PRKN: variants seen among roughly 807,000 people sequenced by gnomAD.
PRKN encodes parkin RBR E3 ubiquitin protein ligase, also known as E3 ubiquitin-protein ligase parkin.
Under a neutral mutation model 59.5 loss-of-function variants are expected in PRKN, and 56 were observed. That is an observed-to-expected ratio of 0.94 (90% CI 0.76 to 1.18). The LOEUF (loss-of-function observed/expected upper bound fraction) is 1.18. Among genes scored for constraint, PRKN ranks in the 50% most tolerant of loss-of-function variants. PRKN has a pLI of 0.00. For synonymous variants in PRKN, 250 were observed against 222.1 expected (o/e 1.13, Z -1.12); for missense variants, 657 against 596.4 (o/e 1.10, Z -1.06).
chr6:161,610,492 TACACAC>T (rs370179659), intron 7 of PRKN, among the ~76,000 whole-genome samples: 2,330 of 139,844 alleles, frequency 0.017, 64 homozygotes, highest in East Asian at 0.047. Flanking sequence ...ATATTAATAA[TACACAC>T]ACACACACAC....
chr6:161,537,708 C>A (rs1779476245), intron 9 of PRKN, among the ~76,000 whole-genome samples: 1 of 152,194 alleles, frequency 6.6e-6, no homozygotes, highest in Non-Finnish European at 1.5e-5. Context: ...GCCTTAGCCT[C>A]CCAAAGTGCT....
At chr6:161,647,051 C>G (rs948858715) in intron 7 of PRKN, among the ~76,000 whole-genome samples, 1 of 152,170 alleles carries the variant, frequency 6.6e-6, no homozygotes, top group Non-Finnish European at 1.5e-5. Flanking sequence ...ATATTTTTCT[C>G]TCTGAAGGAA....
chr6:162,390,254 A>C (rs866096465), intron 2 of PRKN, among the ~76,000 whole-genome samples: 1 of 151,790 alleles, frequency 6.6e-6, no homozygotes, highest in Non-Finnish European at 1.5e-5. Flanking sequence ...AAATAGTGAA[A>C]AATAATAATA....
intron 7 of PRKN, among the ~76,000 whole-genome samples, chr6:161,670,854 T>C (rs554845303): frequency 3.9e-5 from 6 of 152,146 alleles, no homozygotes; most frequent in South Asian, 4.2e-4. Context: ...ACCAGTCACA[T>C]TGAATTTTGA....
At chr6:161,756,274 T>G (rs921442204) in intron 7 of PRKN, among the ~76,000 whole-genome samples, 3 of 151,792 alleles carry the variant, frequency 2.0e-5, no homozygotes, top group Admixed American at 2.0e-4. Flanking sequence ...AAACCCTGTC[T>G]CTGCTACGAG....
intron 6 of PRKN, 77 bp downstream of exon 6, chr6:161,973,225 G>A (rs2128251922): frequency 1.1e-6 from 1 of 924,220 alleles, no homozygotes; most frequent in South Asian, 1.3e-5. Context: ...GGGAAAGTAA[G>A]GAGGGGGGAG....
At chr6:161,761,345 A>AATGGATGGATAGACAGTGG (rs1554301835) in intron 7 of PRKN, among the ~76,000 whole-genome samples, 4 of 151,696 alleles carry the variant, frequency 2.6e-5, no homozygotes, top group South Asian at 2.1e-4. Flanking sequence ...ATGATGGATG[A>AATGGATGGATAGACAGTGG]ATGGATGGAT....
At chr6:162,472,481 T>TAGTAG (rs1791803742) in intron 1 of PRKN, among the ~76,000 whole-genome samples, 1 of 86,078 alleles carries the variant, frequency 1.2e-5, no homozygotes, top group African/African-American at 3.9e-5. Flanking sequence ...TATTTTATTT[T>TAGTAG]ATTTTATTTT....
Position 161,582,719 on chromosome 6 carries a change from G to A in PRKN, c.872-13303C>T, listed in dbSNP as rs545585425. On this transcript the variant is annotated intron_variant, in intron 7 of 11. Coordinates refer to ENST00000366898, the MANE Select transcript of PRKN (RefSeq NM_004562.3). This position sits in a 1 kb window ranked among gnomAD's most constrained non-coding sequence, Gnocchi z 4.4. ...TGGGATTACAGGTGTGAGACACTGC[G>A]CCTGGCCTGCAGACTATTATTAATT... 2.4e-4 allele frequency among the ~76,000 whole-genome samples: 37 copies of A among 152,050 alleles called. No individual in the cohort carries two copies. The highest frequency in any genetic ancestry group is 2.2e-3 in the Admixed American group (34 of 15,266).
At chr6:161,719,591 A>T (rs1458974929) in intron 7 of PRKN, among the ~76,000 whole-genome samples, 1 of 152,158 alleles carries the variant, frequency 6.6e-6, no homozygotes, top group Non-Finnish European at 1.5e-5. Flanking sequence ...GAATAAAATG[A>T]ATTGAATATA....
At chr6:161,814,987 C>T (rs1168022266) in intron 6 of PRKN, among the ~76,000 whole-genome samples, 3 of 152,202 alleles carry the variant, frequency 2.0e-5, no homozygotes, top group Non-Finnish European at 4.4e-5. Context: ...CACACAGTTT[C>T]TTCTCTGAAT....
chr6:162,026,871 T>C (rs1162193566), intron 5 of PRKN, among the ~76,000 whole-genome samples: 7 of 152,196 alleles, frequency 4.6e-5, no homozygotes, highest in African/African-American at 1.2e-4. Context: ...TTGCTTTTCA[T>C]AAAATAATGA....
chr6:162,439,811 T>A (rs1289932101), intron 2 of PRKN, among the ~76,000 whole-genome samples: 1 of 151,944 alleles, frequency 6.6e-6, no homozygotes, highest in East Asian at 1.9e-4. Flanking sequence ...TTTCTCTAGT[T>A]TTTTTATTAT....
At chr6:162,250,543 A>G (rs1158294232) in intron 3 of PRKN, among the ~76,000 whole-genome samples, 1 of 152,222 alleles carries the variant, frequency 6.6e-6, no homozygotes. Flanking sequence ...ATGTGTAACT[A>G]GCTGGTTGTC....
intron 6 of PRKN, among the ~76,000 whole-genome samples, chr6:161,952,614 C>A (rs1780030926): frequency 6.6e-6 from 1 of 152,044 alleles, no homozygotes; most frequent in South Asian, 2.1e-4. Flanking sequence ...GAGACTCCAT[C>A]TCAAAAAATA....
At chr6:161,898,718 G>A (rs1777760549) in intron 6 of PRKN, among the ~76,000 whole-genome samples, 1 of 152,154 alleles carries the variant, frequency 6.6e-6, no homozygotes. Context: ...AAATGTCTGA[G>A]TTTCTTAGCA....
chr6:162,020,424 A>G (rs1783101955), intron 5 of PRKN, among the ~76,000 whole-genome samples: 1 of 151,918 alleles, frequency 6.6e-6, no homozygotes, highest in Non-Finnish European at 1.5e-5. Flanking sequence ...AAAGATATGA[A>G]TGTTTTTCTA....
At chr6:161,673,179 C>G (rs570717730) in intron 7 of PRKN, among the ~76,000 whole-genome samples, 2 of 152,268 alleles carry the variant, frequency 1.3e-5, no homozygotes, top group African/African-American at 4.8e-5. Context: ...TCCACCCTCA[C>G]ACACACTCAT....
At position 161,459,258 on chromosome 6, in the gene PRKN, T is replaced by C. The variant is rs1423388829; in HGVS notation, c.1084-72381A>G. Among the ~76,000 whole-genome samples the C allele has an allele frequency of 6.6e-6, 1 of 152,250 alleles. No individual in the cohort carries two copies. Among genetic ancestry groups the C allele is most frequent in the Non-Finnish European group, 1.5e-5 (1 of 68,052 alleles). On this transcript the variant is annotated intron_variant, in intron 9 of 11. Coordinates refer to ENST00000366898, the MANE Select transcript of PRKN (RefSeq NM_004562.3). This position sits in a 1 kb window ranked among gnomAD's most constrained non-coding sequence, Gnocchi z 4.8. ...CAGTGTGTTTGTGGGCTTCTCTTCCTGCCAGTCTGCAACCTAAAGGAAATG... is the reference window on the plus strand; with the variant it reads ...CAGTGTGTTTGTGGGCTTCTCTTCCCGCCAGTCTGCAACCTAAAGGAAATG...
Sources: allele counts gnomAD v4.1 joint callset (sites outside exome capture counted in the v4.1 genomes callset), GRCh38; gene constraint gnomAD v4.1.1; non-coding constraint Gnocchi (gnomAD v3.1); transcripts MANE v1.5; gene names NCBI Gene and HGNC (gene_info 2026-07-23, HGNC 2026-07-21).